The following POT1 variants were observed in gnomAD, a reference collection of about 807,000 sequenced individuals.
POT1 encodes the protein protection of telomeres protein 1.
In POT1, 47 loss-of-function variants were observed where a neutral mutation model predicts 78.5. The observed-to-expected ratio is 0.60, with a 90% CI of 0.47 to 0.76. The LOEUF is 0.76. Among genes scored for constraint, POT1 ranks in the 30% least tolerant of loss-of-function variants. The pLI is 0.00. For synonymous variants in POT1, 259 were observed against 260.7 expected, an observed-to-expected ratio of 0.99 and a Z score of 0.06; for missense variants, 646 against 749.9, an observed-to-expected ratio of 0.86 and a Z score of 1.62.
intron 2 of POT1, among the ~76,000 whole-genome samples, chr7:124,918,091 G>A (rs1797062132): frequency 6.6e-6 from 1 of 152,194 alleles, no homozygotes; most frequent in African/African-American, 2.4e-5. Context: ...CTCTAACCAT[G>A]AGCCAGCAGG....
intron 5 of POT1, among the ~76,000 whole-genome samples, chr7:124,894,300 G>A (rs2116635017): frequency 6.6e-6 from 1 of 151,584 alleles, no homozygotes; most frequent in South Asian, 2.1e-4. Context: ...AATGGAAAGA[G>A]AAATAATGGA....
Position 124,853,400 on chromosome 7 carries a change from T to C in POT1, c.703-262A>G, listed in dbSNP as rs73719059. On this transcript the variant is annotated intron_variant, in intron 9 of 18. Coordinates refer to ENST00000357628, the MANE Select transcript of POT1 (RefSeq NM_015450.3). ...TACACACACATTCAACTGTAAGAGA[T>C]ATTTCCATTTCAGATCTATTAAAAT... is the stretch of plus-strand genomic sequence containing the variant. The C allele has an allele frequency of 5.4e-3, 1,402 of 258,188 alleles. 19 individuals carry two copies. The highest frequency in any genetic ancestry group is 0.029 in the African/African-American group (1,331 of 45,454). The allele number at this position is 258,188 out of a possible 1,614,324, so 16.0% of individuals were successfully genotyped here.
At chr7:124,892,452 T>C in intron 5 of POT1, 72 bp from the exon 6 acceptor site, 1 of 748,456 alleles carries the variant, frequency 1.3e-6, no homozygotes, top group Non-Finnish European at 2.0e-6. Context: ...ATAATCATAT[T>C]AGCAGCAAAT....
At chr7:124,840,006 T>TC (rs1274653966) in intron 14 of POT1, among the ~76,000 whole-genome samples, 1 of 151,748 alleles carries the variant, frequency 6.6e-6, no homozygotes, top group Admixed American at 6.6e-5. Context: ...CATTTTTTTT[T>TC]TTTTTAAGGA....
At chr7:124,862,121 C>CG in intron 8 of POT1, among the ~76,000 whole-genome samples, 2 of 152,126 alleles carry the variant, frequency 1.3e-5, no homozygotes, top group East Asian at 3.9e-4. Context: ...GTATTTTAAA[C>CG]TAACAGTTAC....
At chr7:124,919,424 G>C (rs1050893599) in intron 2 of POT1, among the ~76,000 whole-genome samples, 8 of 152,098 alleles carry the variant, frequency 5.3e-5, no homozygotes, top group Non-Finnish European at 1.2e-4. Context: ...GGACTTAATT[G>C]TGTTCTCCCA....
chr7:124,927,242 A>C (rs1308438955), intron 2 of POT1, among the ~76,000 whole-genome samples: 2 of 152,206 alleles, frequency 1.3e-5, no homozygotes, highest in Non-Finnish European at 2.9e-5. Flanking sequence ...CAAGTGATCA[A>C]TAATTTCTTG....
intron 15 of POT1, among the ~76,000 whole-genome samples, chr7:124,833,848 T>C (rs910083875): frequency 6.6e-6 from 1 of 152,192 alleles, no homozygotes; most frequent in Non-Finnish European, 1.5e-5. Flanking sequence ...TATAAGTTGA[T>C]ACACTGTAAG....
At chr7:124,877,593 T>G (rs1416325714) in intron 6 of POT1, among the ~76,000 whole-genome samples, 1 of 151,622 alleles carries the variant, frequency 6.6e-6, no homozygotes, top group African/African-American at 2.4e-5. Context: ...TCCCACCGCT[T>G]AGGTCGAGGT....
chr7:124,858,908 CTA>C (rs1795511588), intron 9 of POT1, 47 bp downstream of exon 9: 2 of 1,419,056 alleles, frequency 1.4e-6, no homozygotes, highest in South Asian at 2.9e-5. Context: ...GCAAAAATCA[CTA>C]TAATTTATAA....
At chr7:124,870,027 A>T (rs2116564368) in intron 7 of POT1, among the ~76,000 whole-genome samples, 1 of 152,294 alleles carries the variant, frequency 6.6e-6, no homozygotes, top group South Asian at 2.1e-4. Context: ...CAGCAGACTG[A>T]CCATGAAGGA....
At chr7:124,851,076 C>T (rs1184287138) in intron 11 of POT1, among the ~76,000 whole-genome samples, 1 of 151,806 alleles carries the variant, frequency 6.6e-6, no homozygotes, top group Non-Finnish European at 1.5e-5. Flanking sequence ...GAGGTCGAGA[C>T]CAGTCTGGGC....
chr7:124,838,956 A>T lies in POT1; in HGVS notation c.1369+2017T>A, dbSNP rs573290193. On this transcript the variant is annotated intron_variant, in intron 14 of 18. Coordinates refer to ENST00000357628, the MANE Select transcript of POT1 (RefSeq NM_015450.3). ...GTTATTTTTGGATATTGACAAACTG[A>T]TTATAAAGTTTACATGGAAATGCAA... 2.6e-5 allele frequency among the ~76,000 whole-genome samples: 4 copies of T among 152,324 alleles called. No individual in the cohort carries two copies. In the South Asian group the frequency reaches 8.3e-4, roughly 32 times the overall value.
chr7:124,861,755 T>A (rs1795603290), intron 8 of POT1, among the ~76,000 whole-genome samples: 1 of 152,230 alleles, frequency 6.6e-6, no homozygotes, highest in Non-Finnish European at 1.5e-5. Flanking sequence ...TTTAAGTCTT[T>A]AATCTATCTT....
intron 6 of POT1, among the ~76,000 whole-genome samples, chr7:124,874,015 G>C (rs1795931730): frequency 6.6e-6 from 1 of 152,162 alleles, no homozygotes; most frequent in Non-Finnish European, 1.5e-5. Flanking sequence ...CACAGAACAA[G>C]TGTTTCAATG....
intron 14 of POT1, chr7:124,837,089 A>G (rs1271623149): frequency 1.2e-5 from 2 of 169,146 alleles, no homozygotes; most frequent in African/African-American, 4.8e-5. Flanking sequence ...CTATGGAGAC[A>G]GAAAGGCCTA....
chr7:124,896,136 T>G (rs1217721879), intron 5 of POT1, among the ~76,000 whole-genome samples: 1 of 151,728 alleles, frequency 6.6e-6, no homozygotes, highest in Non-Finnish European at 1.5e-5. Context: ...TTTCTTGATA[T>G]CAACTGCAAG....
intron 3 of POT1, among the ~76,000 whole-genome samples, chr7:124,914,181 T>C (rs1011918344): frequency 5.3e-5 from 8 of 151,284 alleles, no homozygotes; most frequent in Admixed American, 2.0e-4. Flanking sequence ...CTGGACTCAA[T>C]TGTACTCCAT....
rs555874103 is a variant in POT1 at position 124,906,570 on chromosome 7, G to A, written c.-153-8196C>T. On this transcript the variant is annotated intron_variant, in intron 3 of 18. Coordinates refer to ENST00000357628, the MANE Select transcript of POT1 (RefSeq NM_015450.3). ...AAGTTAATGGGTGCAGCACACCAAC[G>A]TGGCACATGTATACATATGTAACAA... Among the ~76,000 whole-genome samples, 10 of 152,014 alleles carry A rather than the reference G, an allele frequency of 6.6e-5. No homozygotes were observed. In the East Asian group the frequency reaches 7.8e-4, roughly 12 times the overall value.
Sources: gnomAD v4.1 joint callset for allele counts (sites outside exome capture counted in the v4.1 genomes callset) on GRCh38, gnomAD v4.1.1 for gene constraint, MANE v1.5 for transcripts, NCBI Gene and HGNC (gene_info 2026-07-23, HGNC 2026-07-21) for gene names.